Variants in DPP6 observed in about 807,000 individuals in gnomAD.
DPP6 encodes the protein dipeptidyl peptidase like 6, also known as A-type potassium channel modulatory protein DPP6.
A neutral mutation model predicts 122.6 loss-of-function variants in DPP6; 69 were observed. The observed-to-expected ratio is 0.56, with a 90% CI of 0.46 to 0.69. The LOEUF (loss-of-function observed/expected upper bound fraction) is 0.69, where lower values mean the gene tolerates loss of function less well. DPP6 is among the 30% of genes least tolerant of loss of function. DPP6 has a pLI of 0.00. For synonymous variants in DPP6, 418 were observed against 433.1 expected, an observed-to-expected ratio of 0.97 and a Z score of 0.43; for missense variants, 928 against 1,116.9, an observed-to-expected ratio of 0.83 and a Z score of 2.41.
At chr7:154,100,649 G>A (rs1399183859) in intron 1 of DPP6, among the ~76,000 whole-genome samples, 1 of 86,682 alleles carries the variant, frequency 1.2e-5, no homozygotes, top group Non-Finnish European at 2.2e-5. Context: ...CGCACTGCTG[G>A]CAGATGCTCC....
intron 1 of DPP6, among the ~76,000 whole-genome samples, chr7:154,277,538 C>A (rs1287184283): frequency 6.6e-6 from 1 of 152,106 alleles, no homozygotes; most frequent in South Asian, 2.1e-4. Context: ...CTGAGGTGGG[C>A]AGATCACTTC....
intron 3 of DPP6, among the ~76,000 whole-genome samples, chr7:154,512,617 C>T (rs1015232058): frequency 6.6e-6 from 1 of 152,144 alleles, no homozygotes; most frequent in African/African-American, 2.4e-5. Context: ...AACTATCAGA[C>T]CTTTTGTGCC....
At chr7:154,278,448 AACTGCATCTTGACG>A (rs1804280032) in intron 1 of DPP6, among the ~76,000 whole-genome samples, 1 of 152,258 alleles carries the variant, frequency 6.6e-6, no homozygotes, top group Non-Finnish European at 1.5e-5. Context: ...CTGCTGCTGT[AACTGCATCTTGACG>A]ATGCAAAATG....
chr7:154,443,302 T>G (rs528432666), intron 1 of DPP6, among the ~76,000 whole-genome samples: 22 of 152,128 alleles, frequency 1.4e-4, no homozygotes, highest in Admixed American at 2.6e-4. Context: ...TGAGCTGATC[T>G]GCTTATTGTT....
intron 1 of DPP6, among the ~76,000 whole-genome samples, chr7:153,937,521 C>T (rs1384572961): frequency 6.7e-6 from 1 of 148,696 alleles, no homozygotes; most frequent in Admixed American, 6.8e-5. Context: ...CGATCTCGCC[C>T]ACTGCAACCT....
In DPP6 at chr7:154,519,516, T is replaced by A. The variant is rs1826801008; in HGVS notation, c.458-21016T>A. Among the ~76,000 whole-genome samples the A allele has an allele frequency of 3.3e-5, 5 of 152,196 alleles. No individual in the cohort carries two copies. In the South Asian group the frequency reaches 1.0e-3, roughly 31 times the overall value. ...GCACTTTGACACTCACAGACATAAA[T>A]GGGCAAGTCGGAAGGAGTAGATGAT... On this transcript the variant is annotated intron_variant, in intron 3 of 25. Coordinates refer to ENST00000377770, the MANE Select transcript of DPP6 (RefSeq NM_130797.4).
chr7:154,382,555 A>C (rs985551687), intron 1 of DPP6, among the ~76,000 whole-genome samples: 1 of 152,276 alleles, frequency 6.6e-6, no homozygotes, highest in African/African-American at 2.4e-5. Flanking sequence ...GGTAACAATA[A>C]AAATAGCTAA....
chr7:154,304,072 C>T (rs1266377058), intron 1 of DPP6, among the ~76,000 whole-genome samples: 1 of 152,204 alleles, frequency 6.6e-6, no homozygotes, highest in East Asian at 1.9e-4. Flanking sequence ...GATTCAGGCC[C>T]TGGCCTGAAG....
At chr7:154,706,975 T>C (rs930683654) in intron 7 of DPP6, among the ~76,000 whole-genome samples, 1 of 152,238 alleles carries the variant, frequency 6.6e-6, no homozygotes, top group Non-Finnish European at 1.5e-5. Flanking sequence ...TACTTTCTGG[T>C]AGGAAGAGCA....
At chr7:154,387,329 G>T (rs2151157104) in intron 1 of DPP6, among the ~76,000 whole-genome samples, 1 of 152,324 alleles carries the variant, frequency 6.6e-6, no homozygotes, top group African/African-American at 2.4e-5. Flanking sequence ...GAAAGACTAG[G>T]AGGGGAGGGA....
At chr7:153,851,988 A>T in the DPP6 span, among the ~76,000 whole-genome samples, 1 of 152,190 alleles carries the variant, frequency 6.6e-6, no homozygotes, top group Non-Finnish European at 1.5e-5. Context: ...TACATCTATT[A>T]TTCTCCCTCC....
At chr7:154,636,992 CG>C (rs1356778898) in intron 5 of DPP6, among the ~76,000 whole-genome samples, 3 of 152,176 alleles carry the variant, frequency 2.0e-5, no homozygotes, top group African/African-American at 7.2e-5. Context: ...TATGGTTCAA[CG>C]CAACAGAGTA....
At chr7:154,091,927 C>T (rs1430785440) in intron 1 of DPP6, among the ~76,000 whole-genome samples, 4 of 152,170 alleles carry the variant, frequency 2.6e-5, no homozygotes, top group Non-Finnish European at 4.4e-5. Flanking sequence ...CCATCTAGGA[C>T]GTGTGGACAT....
chr7:153,923,022 G>A (rs1345945906), intron 1 of DPP6, among the ~76,000 whole-genome samples: 1 of 152,228 alleles, frequency 6.6e-6, no homozygotes, highest in African/African-American at 2.4e-5. Context: ...AATGGCCAGA[G>A]CCACGTAGTG....
intron 8 of DPP6, among the ~76,000 whole-genome samples, chr7:154,729,587 T>A (rs1439180120): frequency 1.3e-5 from 2 of 152,200 alleles, no homozygotes; most frequent in East Asian, 3.8e-4. Flanking sequence ...CAGTCTAGAA[T>A]ATTCCTACAA....
At chr7:154,438,610 G>GGAGCTCATTCTGTCTCTTT (rs1819105526) in intron 1 of DPP6, among the ~76,000 whole-genome samples, 1 of 151,952 alleles carries the variant, frequency 6.6e-6, no homozygotes, top group African/African-American at 2.4e-5. Context: ...AAAGCCAAGA[G>GGAGCTCATTCTGTCTCTTT]GAGCTCATTC....
intron 18 of DPP6, 125 bp downstream of exon 18, chr7:154,868,218 C>T: frequency 4.8e-6 from 6 of 1,259,482 alleles, no homozygotes; most frequent in Non-Finnish European, 6.4e-6. Flanking sequence ...TGTATCTTTG[C>T]CCCTCAGCTC....
chr7:154,175,596 G>A (rs925437941), intron 1 of DPP6, among the ~76,000 whole-genome samples: 20 of 152,128 alleles, frequency 1.3e-4, no homozygotes, highest in African/African-American at 4.8e-4. Context: ...AACTATAGTG[G>A]GTGTTGCCTT....
At chr7:153,819,856 G>T in the DPP6 span, among the ~76,000 whole-genome samples, 4 of 152,044 alleles carry the variant, frequency 2.6e-5, no homozygotes, top group Non-Finnish European at 5.9e-5. Context: ...TATTTCTGCA[G>T]CTTTTTTGTT....
Sources: gnomAD v4.1 joint callset for allele counts (sites outside exome capture counted in the v4.1 genomes callset) on GRCh38, gnomAD v4.1.1 for gene constraint, MANE v1.5 for transcripts, NCBI Gene and HGNC (gene_info 2026-07-23, HGNC 2026-07-21) for gene names.